LETM1: variants seen among roughly 807,000 people sequenced by gnomAD.
The protein encoded by LETM1 is mitochondrial proton/calcium exchanger protein.
A neutral mutation model predicts 74.5 loss-of-function variants in LETM1; 50 were observed. That is an observed-to-expected ratio of 0.67 (90% CI 0.53 to 0.85). LETM1 has a LOEUF of 0.85. LETM1 is among the 40% of genes least tolerant of loss of function. LETM1 has a pLI of 0.00. For synonymous variants in LETM1, 446 were observed against 407.1 expected (o/e 1.10, Z -1.15); for missense variants, 824 against 967.8 (o/e 0.85, Z 1.97).
At chr4:1,823,876 C>T (rs1310887682) in intron 7 of LETM1, 101 bp from the exon 8 acceptor site, 6 of 1,329,766 alleles carry the variant, frequency 4.5e-6, no homozygotes, top group African/African-American at 1.5e-5. Flanking sequence ...TCAGAGAAGA[C>T]AGTGTCTCAA....
chr4:1,829,812 A>G (rs188340704), intron 6 of LETM1, among the ~76,000 whole-genome samples: 32 of 152,264 alleles, frequency 2.1e-4, no homozygotes, highest in African/African-American at 7.2e-4. Context: ...GCAACAGAAC[A>G]AGACACCATC....
At chr4:1,814,644 G>T in intron 13 of LETM1, 71 bp from the exon 14 acceptor site, 2 of 1,396,570 alleles carry the variant, frequency 1.4e-6, no homozygotes, top group Non-Finnish European at 2.0e-6. Flanking sequence ...GGCGGGGCCA[G>T]CGCCGTCAGT....
intron 3 of LETM1, among the ~76,000 whole-genome samples, chr4:1,840,756 T>G (rs1712662811): frequency 6.6e-6 from 1 of 150,716 alleles, no homozygotes; most frequent in Non-Finnish European, 1.5e-5. Flanking sequence ...TTGAAGCCAG[T>G]CTGTCAGAAG....
intron 7 of LETM1, among the ~76,000 whole-genome samples, chr4:1,824,920 G>A (rs1226520386): frequency 6.6e-6 from 1 of 150,744 alleles, no homozygotes; most frequent in African/African-American, 2.4e-5. Flanking sequence ...GAGGAGAAGT[G>A]TGTACACACA....
intron 1 of LETM1, among the ~76,000 whole-genome samples, chr4:1,851,158 G>C (rs1713058353): frequency 6.6e-6 from 1 of 152,186 alleles, no homozygotes; most frequent in Admixed American, 6.5e-5. Context: ...GAACAAGACA[G>C]GAATAGGAGC....
chr4:1,832,981 C>A, intron 5 of LETM1, 34 bp from the exon 6 acceptor site: 1 of 1,603,030 alleles, frequency 6.2e-7, no homozygotes, highest in Non-Finnish European at 8.5e-7. Flanking sequence ...ATCCCCGGGA[C>A]ACGCGCCCAC....
intron 3 of LETM1, among the ~76,000 whole-genome samples, chr4:1,840,608 C>A (rs985516729): frequency 6.6e-6 from 1 of 151,848 alleles, no homozygotes; most frequent in African/African-American, 2.4e-5. Flanking sequence ...GCGGAGCCTG[C>A]AGCGAGCCGA....
At chr4:1,816,187 G>A (rs1425926023) in intron 12 of LETM1, among the ~76,000 whole-genome samples, 2 of 152,248 alleles carry the variant, frequency 1.3e-5, no homozygotes, top group African/African-American at 4.8e-5. Context: ...ACGAGAGCAT[G>A]AGCAGGGTGC....
intron 6 of LETM1, among the ~76,000 whole-genome samples, chr4:1,831,820 T>A (rs1275878046): frequency 6.6e-6 from 1 of 152,194 alleles, no homozygotes. Context: ...CCACAGACAA[T>A]GCCTGCATTC....
At chr4:1,822,051 T>G in intron 10 of LETM1, 130 bp downstream of exon 10, 1 of 976,686 alleles carries the variant, frequency 1.0e-6, no homozygotes, top group Non-Finnish European at 1.4e-6. Context: ...CCTCAACCCC[T>G]TGCACCATCT....
At chr4:1,832,039 G>T (rs1712289906) in intron 6 of LETM1, among the ~76,000 whole-genome samples, 1 of 152,182 alleles carries the variant, frequency 6.6e-6, no homozygotes, top group African/African-American at 2.4e-5. Flanking sequence ...AGTGGCTCAT[G>T]CCTGTAATCC....
intron 3 of LETM1, among the ~76,000 whole-genome samples, chr4:1,838,577 T>C (rs1318190517): frequency 2.0e-5 from 3 of 152,080 alleles, no homozygotes; most frequent in Non-Finnish European, 4.4e-5. Context: ...CACTGGAGGC[T>C]GAGGTAGGAG....
At chr4:1,837,708 T>G (rs1044965444) in intron 3 of LETM1, among the ~76,000 whole-genome samples, 1 of 148,906 alleles carries the variant, frequency 6.7e-6, no homozygotes, top group Non-Finnish European at 1.5e-5. Flanking sequence ...AGTTTTTTTT[T>G]TTTTTTTTTT....
At chr4:1,853,616 G>A (rs1399854297) in intron 1 of LETM1, among the ~76,000 whole-genome samples, 1 of 152,234 alleles carries the variant, frequency 6.6e-6, no homozygotes, top group Non-Finnish European at 1.5e-5. Flanking sequence ...CAATCAAGAA[G>A]GGTGGTACAG....
chr4:1,814,645 C>A (rs150521377), intron 13 of LETM1, 72 bp from the exon 14 acceptor site: 13 of 1,321,558 alleles, frequency 9.8e-6, no homozygotes, highest in Non-Finnish European at 1.4e-5. Flanking sequence ...GCGGGGCCAG[C>A]GCCGTCAGTC....
chr4:1,832,617 C>T, intron 6 of LETM1, 127 bp downstream of exon 6: 1 of 857,500 alleles, frequency 1.2e-6, no homozygotes, highest in Non-Finnish European at 1.9e-6. Flanking sequence ...GGCAAGACTC[C>T]TAGTGAGCTT....
Position 1,841,511 on chromosome 4 carries a change from G to A in LETM1, c.430C>T (p.Pro144Ser), listed in dbSNP as rs1368586819. 1 of 1,614,120 alleles carries A rather than the reference G, an allele frequency of 6.2e-7. No homozygotes were observed. Among genetic ancestry groups the A allele is most frequent in the Non-Finnish European group, 8.5e-7 (1 of 1,180,064 alleles). The change falls in exon 3 of 14, where the codon CCC becomes TCC. Residue 144 changes from proline to serine, a missense_variant. By Grantham distance (74) the Pro-to-Ser change is moderately conservative. Transcript: ENST00000302787. Reference protein sequence around the residue: ...LEEGGPVYSPPAEVVVKKSLG... With the variant: ...LEEGGPVYSPSAEVVVKKSLG... ...GACTTCTTCACCACCACCTCTGCGG[G>A]GGGGCTGTACACCGGGCCGCCTTCC...
rs755934802 is a variant in LETM1 at position 1,814,492 on chromosome 4, CCT to C, written c.2150_2151del (p.Glu717GlyfsTer67). On this transcript the variant is annotated frameshift_variant, in exon 14 of 14. Transcript: ENST00000302787. LOFTEE classifies it high-confidence loss of function. ...VAEIVATLEKEEKVEEKEKAK... is the reference protein window; with the variant it reads ...VAEIVATLEKXEKVEEKEKAK... ...GCCTTCTCCTTCTCCTCCACCTTCT[CCT>C]CTTTTTCCAGTGTTGCTACAATCTC... 16 of 1,614,040 alleles carry C rather than the reference CCT, an allele frequency of 9.9e-6. No individual in the cohort carries two copies. The highest frequency in any genetic ancestry group is 1.3e-5 in the Non-Finnish European group (15 of 1,179,966).
chr4:1,819,971 T>C (rs139929392), intron 10 of LETM1, among the ~76,000 whole-genome samples: 18 of 152,380 alleles, frequency 1.2e-4, no homozygotes, highest in Admixed American at 1.2e-3. Context: ...AGGGTCTCAC[T>C]CTGTTGCCCA....
Sources: allele counts gnomAD v4.1 joint callset (sites outside exome capture counted in the v4.1 genomes callset), GRCh38; gene constraint gnomAD v4.1.1; transcripts MANE v1.5; gene names NCBI Gene and HGNC (gene_info 2026-07-23, HGNC 2026-07-21).